Variants in IMPA1 observed in about 807,000 individuals in gnomAD.
IMPA1 encodes inositol monophosphatase 1.
In IMPA1, 21 loss-of-function variants were observed where a neutral mutation model predicts 34.9. The observed-to-expected ratio is 0.60, with a 90% CI of 0.43 to 0.87. The LOEUF (loss-of-function observed/expected upper bound fraction) is 0.87. IMPA1 is among the 40% of genes least tolerant of loss of function. IMPA1 has a pLI of 0.00. For missense variants in IMPA1, 299 were observed against 336.4 expected (o/e 0.89, Z 0.87); for synonymous variants, 95 against 104.4 (o/e 0.91, Z 0.55).
intron 6 of IMPA1, among the ~76,000 whole-genome samples, chr8:81,673,319 C>T (rs542841387): frequency 1.3e-4 from 20 of 152,188 alleles, no homozygotes; most frequent in Non-Finnish European, 2.4e-4. Context: ...AGGCTGATTA[C>T]GGACTTAAAA....
At chr8:81,680,610 G>A in intron 3 of IMPA1, 40 bp downstream of exon 3, 1 of 1,452,748 alleles carries the variant, frequency 6.9e-7, no homozygotes, top group Non-Finnish European at 9.6e-7. Flanking sequence ...AAGAAATGGT[G>A]AGATAATAAA....
intron 4 of IMPA1, among the ~76,000 whole-genome samples, chr8:81,676,662 CA>C (rs922019103): frequency 6.6e-6 from 1 of 152,148 alleles, no homozygotes; most frequent in Admixed American, 6.5e-5. Flanking sequence ...TTTTGAAGGT[CA>C]AATTCTATGA....
In IMPA1 at chr8:81,673,479, C is replaced by T. The variant is rs116707505; in HGVS notation, c.457+362G>A. On this transcript the variant is annotated intron_variant, in intron 6 of 8. Coordinates refer to ENST00000256108, the MANE Select transcript of IMPA1 (RefSeq NM_005536.4). ...AAAGGAAGCCGTACCCCAACCACCT[C>T]GGGCACATGTCGTCAGGACCTCCTG... 4.2e-3 allele frequency among the ~76,000 whole-genome samples: 634 copies of T among 152,322 alleles called. 6 individuals carry two copies. The highest frequency in any genetic ancestry group is 0.015 in the African/African-American group (617 of 41,568).
At chr8:81,667,981 G>A (rs1031727430) in intron 7 of IMPA1, among the ~76,000 whole-genome samples, 8 of 151,816 alleles carry the variant, frequency 5.3e-5, no homozygotes, top group Non-Finnish European at 2.9e-5. Context: ...CCGCCACCAC[G>A]CCTGGCTAAT....
chr8:81,667,377 G>A (rs1439778112), intron 7 of IMPA1, among the ~76,000 whole-genome samples: 3 of 152,110 alleles, frequency 2.0e-5, no homozygotes, highest in South Asian at 2.1e-4. Context: ...CCTCCAAAAC[G>A]CATGTTGAAA....
Position 81,681,368 on chromosome 8 carries a change from C to T in IMPA1, c.63+130G>A, listed in dbSNP as rs144106930. 32 of 628,262 alleles carry T rather than the reference C, an allele frequency of 5.1e-5. 1 individual carries two copies. In the Admixed American group the frequency reaches 5.9e-4, roughly 11 times the overall value. The allele number at this position is 628,262 out of a possible 1,614,324, so 38.9% of individuals were successfully genotyped here. On this transcript the variant is annotated intron_variant, in intron 2 of 8. Coordinates refer to ENST00000256108, the MANE Select transcript of IMPA1 (RefSeq NM_005536.4). ...GAGCCATGTTCCTGCCACTACATTC[C>T]AGCTTGGGTGACAAGCAAGACCGTT...
At chr8:81,667,190 G>A (rs1381710437) in intron 7 of IMPA1, among the ~76,000 whole-genome samples, 3 of 152,030 alleles carry the variant, frequency 2.0e-5, no homozygotes, top group African/African-American at 7.2e-5. Flanking sequence ...TGGAAATAGG[G>A]AATTATACTA....
At chr8:81,684,673 A>ATATACTACACATAAGTATC (rs1807438889) in intron 1 of IMPA1, among the ~76,000 whole-genome samples, 7 of 133,236 alleles carry the variant, frequency 5.3e-5, no homozygotes, top group Admixed American at 3.8e-4. Context: ...ACATAAGTAT[A>ATATACTACACATAAGTATC]TTTAGATACT....
chr8:81,684,448 CTATA>C (rs1363942467), intron 1 of IMPA1, among the ~76,000 whole-genome samples: 1 of 136,226 alleles, frequency 7.3e-6, no homozygotes, highest in Admixed American at 7.7e-5. Flanking sequence ...TATTTAGATA[CTATA>C]TATAGTATAC....
In IMPA1 at chr8:81,661,800, C is replaced by T. The variant is rs188393370; in HGVS notation, c.567-1133G>A. ...CAATGTCCCTTTTATTAAAGACACACACGCTGAAATGTGTATTTAGAAGAC... is the reference window on the plus strand; with the variant it reads ...CAATGTCCCTTTTATTAAAGACACATACGCTGAAATGTGTATTTAGAAGAC... On this transcript the variant is annotated intron_variant, in intron 7 of 8. Coordinates refer to ENST00000256108, the MANE Select transcript of IMPA1 (RefSeq NM_005536.4). 6.6e-5 allele frequency among the ~76,000 whole-genome samples: 10 copies of T among 152,310 alleles called. No homozygotes were observed. In the East Asian group the frequency reaches 1.5e-3, roughly 23 times the overall value.
Position 81,660,260 on chromosome 8 carries a change from T to C in IMPA1, c.718+256A>G, listed in dbSNP as rs114395404. 5.8e-3 allele frequency among the ~76,000 whole-genome samples: 883 copies of C among 152,320 alleles called. 10 individuals carry two copies. The highest frequency in any genetic ancestry group is 0.02 in the African/African-American group (836 of 41,564). ...TTGGACAAACTTGGTCTAGGCTTTTTCTACAGCCTTTCAGGAGTACCTGAA... is the reference window on the plus strand; with the variant it reads ...TTGGACAAACTTGGTCTAGGCTTTTCCTACAGCCTTTCAGGAGTACCTGAA... On this transcript the variant is annotated intron_variant, in intron 8 of 8. Transcript: ENST00000256108.
intron 4 of IMPA1, among the ~76,000 whole-genome samples, chr8:81,677,705 A>G (rs1807171161): frequency 6.6e-6 from 1 of 152,250 alleles, no homozygotes; most frequent in Non-Finnish European, 1.5e-5. Context: ...AAGATACTAT[A>G]CACACTGTAT....
intron 6 of IMPA1, among the ~76,000 whole-genome samples, chr8:81,672,618 T>G (rs1383478248): frequency 6.6e-6 from 1 of 152,232 alleles, no homozygotes; most frequent in Non-Finnish European, 1.5e-5. Flanking sequence ...TGCTAAGTTC[T>G]CTGGAGCACT....
chr8:81,678,146 G>A (rs1054428063), intron 4 of IMPA1, among the ~76,000 whole-genome samples: 3 of 151,758 alleles, frequency 2.0e-5, no homozygotes, highest in Admixed American at 6.6e-5. Flanking sequence ...CAGAATGCAC[G>A]TCTATTCATC....
In IMPA1 at chr8:81,660,647, G is replaced by A. The variant is rs1806643684; in HGVS notation, c.587C>T (p.Ala196Val). The A allele has an allele frequency of 6.2e-7, 1 of 1,612,428 alleles. No homozygotes were observed. Among genetic ancestry groups the A allele is most frequent in the African/African-American group, 1.3e-5 (1 of 75,000 alleles). The change falls in exon 8 of 9, where the codon GCA becomes GTA. Residue 196 changes from alanine (A) to valine (V), a missense_variant. Physicochemically the swap from Ala to Val is moderately conservative, Grantham distance 64. Transcript: ENST00000256108. The stretch of plus-strand genomic sequence containing the variant: ...TGCCACAAGGCACATATTAACAGCT[G>A]CTGTTCCAACACTCCGGATCCTAAC... Reference protein sequence around the residue: ...PVHGIRSVGTAAVNMCLVATG... With the variant: ...PVHGIRSVGTVAVNMCLVATG...
intron 3 of IMPA1, among the ~76,000 whole-genome samples, chr8:81,679,803 A>G (rs1585902263): frequency 6.6e-6 from 1 of 152,118 alleles, no homozygotes; most frequent in South Asian, 2.1e-4. Context: ...GCACACACAC[A>G]TTTGCGGCAG....
chr8:81,685,159 A>G (rs1807466472), intron 1 of IMPA1, among the ~76,000 whole-genome samples: 1 of 136,040 alleles, frequency 7.4e-6, no homozygotes, highest in African/African-American at 2.7e-5. Flanking sequence ...TATACTATAC[A>G]TAAGTATATT....
At chr8:81,669,430 GTGTCTCCA>G (rs757059617) in intron 7 of IMPA1, among the ~76,000 whole-genome samples, 2 of 152,220 alleles carry the variant, frequency 1.3e-5, no homozygotes, top group Non-Finnish European at 2.9e-5. Flanking sequence ...TCAACCCCCA[GTGTCTCCA>G]TGAGGTGGTA....
intron 6 of IMPA1, among the ~76,000 whole-genome samples, 194 bp downstream of exon 6, chr8:81,673,647 G>C (rs976377942): frequency 6.6e-6 from 1 of 152,090 alleles, no homozygotes; most frequent in Non-Finnish European, 1.5e-5. Flanking sequence ...TGCTGAGCCT[G>C]AAGTGTTTGC....
Sources: gnomAD v4.1 joint callset for allele counts (sites outside exome capture counted in the v4.1 genomes callset) on GRCh38, gnomAD v4.1.1 for gene constraint, MANE v1.5 for transcripts, NCBI Gene and HGNC (gene_info 2026-07-23, HGNC 2026-07-21) for gene names.